Variants in MYH11 observed in about 807,000 individuals in gnomAD.
MYH11 encodes myosin heavy chain 11.
A neutral mutation model predicts 246.6 loss-of-function variants in MYH11; 80 were observed. The observed-to-expected ratio is 0.32, with a 90% CI of 0.27 to 0.39. The LOEUF is 0.39. MYH11 is among the 10% of genes least tolerant of loss of function. The pLI, the probability that MYH11 is intolerant of heterozygous loss-of-function variation, is 1.00. For missense variants in MYH11, 2,158 were observed against 2,546.8 expected (o/e 0.85, Z 3.29); for synonymous variants, 1,071 against 1,015.5 (o/e 1.05, Z -1.04).
chr16:15,778,309 G>A (rs2042271030), intron 7 of MYH11, among the ~76,000 whole-genome samples: 1 of 152,204 alleles, frequency 6.6e-6, no homozygotes. Context: ...GAGGACGACA[G>A]GTCCAGAATT....
intron 2 of MYH11, among the ~76,000 whole-genome samples, chr16:15,828,787 T>TAA (rs1209396542): frequency 8.2e-4 from 52 of 63,708 alleles, no homozygotes; most frequent in African/African-American, 2.6e-3. Flanking sequence ...AGTGAGACTC[T>TAA]AAAAAAAAAA....
At chr16:15,826,155 T>G (rs1022941042) in intron 2 of MYH11, among the ~76,000 whole-genome samples, 1 of 151,878 alleles carries the variant, frequency 6.6e-6, no homozygotes, top group Non-Finnish European at 1.5e-5. Flanking sequence ...CATTCATTCA[T>G]TCATTCATTC....
chr16:15,747,567 T>A lies in MYH11; in HGVS notation c.2411+3A>T. ...GTATTAGGATGCAGGAAAGCATCTTTACTTTCTGGCCAAGTAGCCACGACA... is the reference window on the plus strand; with the variant it reads ...GTATTAGGATGCAGGAAAGCATCTTAACTTTCTGGCCAAGTAGCCACGACA... On this transcript the variant is annotated splice_donor_region_variant and intron_variant, in intron 19 of 40. Transcript: ENST00000300036. 1.2e-6 allele frequency: 2 copies of A among 1,614,144 alleles called. No individual in the cohort carries two copies. Among genetic ancestry groups the A allele is most frequent in the Non-Finnish European group, 1.7e-6 (2 of 1,180,042 alleles).
At position 15,704,137 on chromosome 16, in the gene MYH11, G is replaced by A. The variant is rs2039326665; in HGVS notation, c.5787-14C>T. On this transcript the variant is annotated splice_polypyrimidine_tract_variant and intron_variant, in intron 40 of 40. Coordinates refer to ENST00000300036, the MANE Select transcript of MYH11 (RefSeq NM_002474.3). ...TCGTTTCCTCGCCTGTGGGTTGTAA[G>A]AAAACACATTATTTAGCAAAGAAAT... 1.9e-6 allele frequency: 3 copies of A among 1,613,730 alleles called. No homozygotes were observed. Among genetic ancestry groups the A allele is most frequent in the East Asian group, 2.2e-5 (1 of 44,878 alleles).
intron 2 of MYH11, among the ~76,000 whole-genome samples, chr16:15,829,519 T>C (rs528291334): frequency 6.6e-6 from 1 of 152,266 alleles, no homozygotes; most frequent in South Asian, 2.1e-4. Flanking sequence ...CTCCTTCACC[T>C]CGACCCAGCC....
At chr16:15,798,608 TAAAA>T in intron 4 of MYH11, 48 bp downstream of exon 4, 10 of 1,035,996 alleles carry the variant, frequency 9.7e-6, no homozygotes, top group South Asian at 3.4e-5. Context: ...GACTACAGAT[TAAAA>T]AAAAAAAAAA....
intron 8 of MYH11, among the ~76,000 whole-genome samples, chr16:15,773,159 G>A (rs1019540828): frequency 6.6e-6 from 1 of 151,764 alleles, no homozygotes; most frequent in Non-Finnish European, 1.5e-5. Context: ...CCTATTGGAA[G>A]ACCAGAGGCA....
At chr16:15,731,986 G>C (rs917451789) in intron 27 of MYH11, among the ~76,000 whole-genome samples, 11 of 151,636 alleles carry the variant, frequency 7.3e-5, no homozygotes, top group African/African-American at 2.4e-4. Context: ...TTTTGAGATG[G>C]AATCCTGCTC....
chr16:15,797,560 A>C (rs569193095), intron 4 of MYH11, among the ~76,000 whole-genome samples: 1 of 148,200 alleles, frequency 6.7e-6, no homozygotes, highest in Non-Finnish European at 1.5e-5. Context: ...TATAAATATA[A>C]ATATATTAAA....
In MYH11 at chr16:15,704,047, C is replaced by T. The variant is rs2039321637; in HGVS notation, c.5863G>A (p.Glu1955Lys). Residue 1955 changes from glutamate (E) to lysine (K), a missense_variant, in exon 41 of 41, where the codon GAG becomes AAG. Coordinates refer to ENST00000300036, the MANE Select transcript of MYH11 (RefSeq NM_002474.3). ...GCGTCTCGAGTGTCCGTTTCCTCCT[C>T]AGAACCATCTGCATTTTCAATAACT... is the stretch of plus-strand genomic sequence containing the variant. ...RRVIENADGS[E>K]EETDTRDADF... The T allele has an allele frequency of 1.2e-6, 2 of 1,613,990 alleles. No individual in the cohort carries two copies. The highest frequency in any genetic ancestry group is 1.3e-5 in the African/African-American group (1 of 74,870).
chr16:15,718,040 A>C (rs978446859), intron 37 of MYH11: 12 of 543,330 alleles, frequency 2.2e-5, no homozygotes, highest in Non-Finnish European at 4.0e-5. Context: ...GAGCATCCCA[A>C]GGCCCGGACT....
intron 4 of MYH11, among the ~76,000 whole-genome samples, chr16:15,796,100 T>C (rs901985722): frequency 1.3e-5 from 2 of 152,096 alleles, no homozygotes; most frequent in East Asian, 3.9e-4. Flanking sequence ...GACCCTGAAC[T>C]AGGAAGAGGC....
chr16:15,755,530 C>T (rs1489531760), intron 14 of MYH11, among the ~76,000 whole-genome samples: 2 of 152,156 alleles, frequency 1.3e-5, no homozygotes, highest in African/African-American at 2.4e-5. Context: ...GGCTCGTGCT[C>T]ATAATCCCAG....
chr16:15,798,704 G>C lies in MYH11; in HGVS notation c.503-17C>G. On this transcript the variant is annotated splice_polypyrimidine_tract_variant and intron_variant, in intron 3 of 40. Transcript: ENST00000300036. The stretch of plus-strand genomic sequence containing the variant: ...CCTCCCGATCTGCAAACAGAAAGAA[G>C]AAAAAAGAGCCATGAATTAAAATGA... 1 of 1,607,752 alleles carries C rather than the reference G, an allele frequency of 6.2e-7. No homozygotes were observed. The highest frequency in any genetic ancestry group is 1.1e-5 in the South Asian group (1 of 90,842).
intron 4 of MYH11, among the ~76,000 whole-genome samples, chr16:15,787,481 CTTTTTTT>C (rs370002467): frequency 2.0e-4 from 23 of 116,016 alleles, no homozygotes; most frequent in African/African-American, 2.0e-4. Flanking sequence ...GAATTATCTA[CTTTTTTT>C]TTTTTTTTTT....
intron 40 of MYH11, among the ~76,000 whole-genome samples, chr16:15,707,005 C>A (rs770191974): frequency 2.2e-4 from 34 of 152,090 alleles, no homozygotes; most frequent in Non-Finnish European, 4.1e-4. Context: ...AAGGGACCCC[C>A]CTAAAGGTTT....
At position 15,728,039 on chromosome 16, in the gene MYH11, G is replaced by A. The variant is rs57398368; in HGVS notation, c.3652-985C>T. On this transcript the variant is annotated intron_variant, in intron 27 of 40. Coordinates refer to ENST00000300036, the MANE Select transcript of MYH11 (RefSeq NM_002474.3). ...AGGTGAGGAGTTCGAGACCAGCCTG[G>A]CCAACATGGCGAAACTGCATCTCTA... Among the ~76,000 whole-genome samples the A allele has an allele frequency of 1.9e-3, 291 of 152,328 alleles. 5 individuals are homozygous for A. The highest frequency in any genetic ancestry group is 0.017 in the Middle Eastern group (5 of 294).
intron 14 of MYH11, among the ~76,000 whole-genome samples, chr16:15,756,006 G>A (rs1403593957): frequency 2.0e-5 from 3 of 152,202 alleles, no homozygotes; most frequent in African/African-American, 4.8e-5. Context: ...GCTGAGGCAG[G>A]AGGATCGTGT....
intron 1 of MYH11, among the ~76,000 whole-genome samples, chr16:15,842,810 TC>T (rs941996505): frequency 1.1e-5 from 1 of 90,872 alleles, no homozygotes; most frequent in African/African-American, 4.0e-5. Context: ...AATGAGGAAA[TC>T]CCATCTAAAT....
Sources: gnomAD v4.1 joint callset for allele counts (sites outside exome capture counted in the v4.1 genomes callset) on GRCh38, gnomAD v4.1.1 for gene constraint, MANE v1.5 for transcripts, NCBI Gene and HGNC (gene_info 2026-07-23, HGNC 2026-07-21) for gene names.